RBFOX1: variants seen among roughly 807,000 people sequenced by gnomAD.
The protein encoded by RBFOX1 is RNA binding fox-1 homolog 1, also known as RNA binding protein fox-1 homolog 1.
Under a neutral mutation model 57.7 loss-of-function variants are expected in RBFOX1, and 8 were observed. The ratio of observed to expected loss-of-function variants is 0.14; its 90% CI spans 0.08 to 0.25. The LOEUF is 0.25. RBFOX1 is among the 10% of genes least tolerant of loss of function. The pLI, the probability that RBFOX1 is intolerant of heterozygous loss-of-function variation, is 1.00. For missense variants in RBFOX1, 611 were observed against 548.5 expected, an observed-to-expected ratio of 1.11 and a Z score of -1.14; for synonymous variants, 326 against 222.4, an observed-to-expected ratio of 1.47 and a Z score of -4.15.
At chr16:7,030,351 G>A (rs1174056579) in intron 3 of RBFOX1, among the ~76,000 whole-genome samples, 1 of 152,148 alleles carries the variant, frequency 6.6e-6, no homozygotes, top group African/African-American at 2.4e-5. Context: ...ATTGCCATAA[G>A]TTAACGCCAA....
At chr16:6,508,166 G>C (rs559916263) in intron 2 of RBFOX1, among the ~76,000 whole-genome samples, 1 of 152,264 alleles carries the variant, frequency 6.6e-6, no homozygotes, top group Non-Finnish European at 1.5e-5. Context: ...TAAATGATGA[G>C]AACGCATGGA....
intron 2 of RBFOX1, among the ~76,000 whole-genome samples, chr16:6,478,418 T>TATATATATACATATAC (rs2095313384): frequency 1.4e-4 from 3 of 20,780 alleles, no homozygotes; most frequent in African/African-American, 7.2e-4. Context: ...TATATATATA[T>TATATATATACATATAC]ATATATATAT....
intron 3 of RBFOX1, among the ~76,000 whole-genome samples, chr16:5,714,415 C>T (rs1435543633): frequency 6.6e-6 from 1 of 152,162 alleles, no homozygotes; most frequent in African/African-American, 2.4e-5. Flanking sequence ...ATACAGAGAA[C>T]ATGGAATAGA....
intron 3 of RBFOX1, among the ~76,000 whole-genome samples, chr16:6,695,401 G>C (rs1016068394): frequency 2.9e-5 from 3 of 103,838 alleles, no homozygotes; most frequent in African/African-American, 8.0e-5. Flanking sequence ...GAGAGTAAGA[G>C]AGAAACTCTG....
At chr16:6,351,727 T>G (rs1160912232) in intron 2 of RBFOX1, among the ~76,000 whole-genome samples, 1 of 152,198 alleles carries the variant, frequency 6.6e-6, no homozygotes, top group East Asian at 1.9e-4. Context: ...TGTAATTATA[T>G]GTATGCATAC....
chr16:5,720,457 C>G (rs1315338602), intron 3 of RBFOX1, among the ~76,000 whole-genome samples: 1 of 152,120 alleles, frequency 6.6e-6, no homozygotes, highest in Non-Finnish European at 1.5e-5. Flanking sequence ...TCGCAATGAA[C>G]CTATTTTTTC....
At chr16:6,894,923 C>G (rs909256478) in intron 3 of RBFOX1, among the ~76,000 whole-genome samples, 5 of 152,142 alleles carry the variant, frequency 3.3e-5, no homozygotes, top group African/African-American at 1.2e-4. Context: ...TTAAATGTCT[C>G]ACTGTCTCCA....
At chr16:6,642,412 T>A (rs1343983016) in intron 2 of RBFOX1, among the ~76,000 whole-genome samples, 1 of 152,122 alleles carries the variant, frequency 6.6e-6, no homozygotes, top group African/African-American at 2.4e-5. Flanking sequence ...AGACCTTTGG[T>A]TTGAGCTCAC....
chr16:7,452,075 A>G (rs2098869461), intron 4 of RBFOX1, among the ~76,000 whole-genome samples: 2 of 152,232 alleles, frequency 1.3e-5, no homozygotes, highest in Non-Finnish European at 2.9e-5. Context: ...ATTGGATACT[A>G]AGGAATGAGA....
chr16:5,718,541 G>A (rs953428098), intron 3 of RBFOX1, among the ~76,000 whole-genome samples: 1 of 152,184 alleles, frequency 6.6e-6, no homozygotes, highest in Non-Finnish European at 1.5e-5. Context: ...AGAAAATCAA[G>A]TACAGTTATT....
intron 4 of RBFOX1, among the ~76,000 whole-genome samples, chr16:5,987,859 A>C (rs1030004008): frequency 1.3e-5 from 2 of 152,232 alleles, no homozygotes; most frequent in African/African-American, 2.4e-5. Flanking sequence ...CCAGCTAAGC[A>C]CTTTTCAATA....
At position 5,917,480 on chromosome 16, in the gene RBFOX1, C is replaced by T. The variant is rs116524366; in HGVS notation, c.351+50145C>T. Reference sequence around the variant, plus strand: ...ATTTTCTCAAGATAATCTGTCGGATCGGGACCTCATAATGATTGCAGTCAA... The same window carrying T: ...ATTTTCTCAAGATAATCTGTCGGATTGGGACCTCATAATGATTGCAGTCAA... On this transcript the variant is annotated intron_variant, in intron 4 of 19. Transcript: ENST00000641259. Among the ~76,000 whole-genome samples, 40 of 152,238 alleles carry T rather than the reference C, an allele frequency of 2.6e-4. 1 individual carries two copies. Among genetic ancestry groups the T allele is most frequent in the South Asian group, 1.0e-3 (5 of 4,806 alleles).
At chr16:6,712,023 C>G (rs1469531288) in intron 3 of RBFOX1, among the ~76,000 whole-genome samples, 1 of 152,198 alleles carries the variant, frequency 6.6e-6, no homozygotes, top group Non-Finnish European at 1.5e-5. Flanking sequence ...CTTTCTCTGT[C>G]TCACATATAC....
At chr16:7,218,655 T>C (rs146287768) in intron 4 of RBFOX1, among the ~76,000 whole-genome samples, 41,105 of 148,862 alleles carry the variant, frequency 0.28, 7,378 homozygotes, top group East Asian at 0.66. Context: ...TGTGTGTGTG[T>C]GTGTGTGTGT....
chr16:6,056,968 C>A (rs1381443704), intron 1 of RBFOX1: 2 of 151,558 alleles, frequency 1.3e-5, no homozygotes, highest in Non-Finnish European at 2.9e-5. Flanking sequence ...TGATACCTTT[C>A]CTCTAGAGTG....
chr16:6,906,590 T>G (rs959979670), intron 3 of RBFOX1, among the ~76,000 whole-genome samples: 5 of 152,212 alleles, frequency 3.3e-5, no homozygotes, highest in African/African-American at 1.2e-4. Flanking sequence ...ACATCAGTAG[T>G]GTTTCCAGTA....
At chr16:5,916,354 A>G (rs1306665888) in intron 4 of RBFOX1, among the ~76,000 whole-genome samples, 1 of 152,110 alleles carries the variant, frequency 6.6e-6, no homozygotes, top group Non-Finnish European at 1.5e-5. Flanking sequence ...ATCAGCTTGT[A>G]TTAATTCTCG....
intron 3 of RBFOX1, among the ~76,000 whole-genome samples, chr16:7,019,003 AAAAG>A (rs1377841766): frequency 6.6e-6 from 1 of 152,042 alleles, no homozygotes; most frequent in African/African-American, 2.4e-5. Context: ...AGAAGAAGCA[AAAAG>A]AAAGCGTTCT....
chr16:6,345,186 T>C (rs1373376993), intron 2 of RBFOX1, among the ~76,000 whole-genome samples: 2 of 152,026 alleles, frequency 1.3e-5, no homozygotes, highest in African/African-American at 4.8e-5. Context: ...ATCCCCACAT[T>C]GGCGCTGCGT....
Sources: allele counts gnomAD v4.1 joint callset (sites outside exome capture counted in the v4.1 genomes callset), GRCh38; gene constraint gnomAD v4.1.1; transcripts MANE v1.5; gene names NCBI Gene and HGNC (gene_info 2026-07-23, HGNC 2026-07-21).